The following GRID2 variants were observed in gnomAD, a reference collection of about 807,000 sequenced individuals.
GRID2 encodes glutamate ionotropic receptor delta type subunit 2.
Under a neutral mutation model 114.8 loss-of-function variants are expected in GRID2, and 33 were observed. The observed-to-expected ratio is 0.29, with a 90% CI of 0.22 to 0.38. The LOEUF (loss-of-function observed/expected upper bound fraction) is 0.38. Ranked by LOEUF, GRID2 falls within the 10% of genes least tolerant of loss-of-function variation. GRID2 has a pLI of 1.00. For synonymous variants in GRID2, 505 were observed against 449.9 expected (o/e 1.12, Z -1.55); for missense variants, 1,184 against 1,257.7 (o/e 0.94, Z 0.89).
At chr4:92,376,333 G>A (rs991800380) in intron 1 of GRID2, among the ~76,000 whole-genome samples, 15 of 151,976 alleles carry the variant, frequency 9.9e-5, no homozygotes, top group African/African-American at 2.9e-4. Context: ...ATTAAAACTC[G>A]AAAATGACCT....
chr4:92,915,039 C>T (rs755787830), intron 2 of GRID2, among the ~76,000 whole-genome samples: 11 of 152,112 alleles, frequency 7.2e-5, no homozygotes, highest in Non-Finnish European at 1.3e-4. Flanking sequence ...CCCCATGAAA[C>T]TTACAATCAT....
chr4:92,924,344 A>G (rs538992290), intron 2 of GRID2, among the ~76,000 whole-genome samples: 3 of 152,154 alleles, frequency 2.0e-5, no homozygotes, highest in Middle Eastern at 3.4e-3. Flanking sequence ...GCACATGTAT[A>G]CATATGTAAC....
At chr4:93,114,790 G>C (rs903757325) in intron 4 of GRID2, among the ~76,000 whole-genome samples, 1 of 152,148 alleles carries the variant, frequency 6.6e-6, no homozygotes, top group Non-Finnish European at 1.5e-5. Context: ...AAATTTGAAA[G>C]AGTACACTGA....
At chr4:93,003,700 A>T (rs1721231606) in intron 2 of GRID2, among the ~76,000 whole-genome samples, 1 of 151,990 alleles carries the variant, frequency 6.6e-6, no homozygotes, top group Non-Finnish European at 1.5e-5. Flanking sequence ...AGAGATAAAC[A>T]GCTGTGTCTT....
At chr4:92,920,593 T>G (rs891741698) in intron 2 of GRID2, among the ~76,000 whole-genome samples, 1 of 152,172 alleles carries the variant, frequency 6.6e-6, no homozygotes, top group Non-Finnish European at 1.5e-5. Flanking sequence ...ATTTTATTTC[T>G]TCTTCACTTA....
At chr4:93,786,289 C>T (rs980466788) in intron 1 of GRID2, among the ~76,000 whole-genome samples, 1 of 152,170 alleles carries the variant, frequency 6.6e-6, no homozygotes, top group African/African-American at 2.4e-5. Flanking sequence ...CACTGCTCTC[C>T]CAAGGAATAT....
intron 1 of GRID2, among the ~76,000 whole-genome samples, chr4:92,351,728 T>C (rs1728077856): frequency 6.6e-6 from 1 of 151,846 alleles, no homozygotes. Context: ...TCAAGTATTT[T>C]GGCCTCCACA....
chr4:92,913,881 T>C (rs552568940), intron 2 of GRID2, among the ~76,000 whole-genome samples: 1 of 152,182 alleles, frequency 6.6e-6, no homozygotes, highest in Middle Eastern at 3.4e-3. Context: ...ACTACTATTT[T>C]TTCAAACATT....
In GRID2 at chr4:92,369,345, A is replaced by G. The variant is rs563648706; in HGVS notation, c.88+64601A>G. 1.7e-4 allele frequency among the ~76,000 whole-genome samples: 26 copies of G among 152,288 alleles called. No individual in the cohort carries two copies. In the South Asian group the frequency reaches 5.2e-3, roughly 30 times the overall value. On this transcript the variant is annotated intron_variant, in intron 1 of 15. Coordinates refer to ENST00000282020, the MANE Select transcript of GRID2 (RefSeq NM_001510.4). ...TTAGTCTGAGTCTGTGGAAAAAGAC[A>G]TAGAAAGGTGACTTATCTGAGATCA...
At chr4:92,479,497 C>T (rs968145109) in intron 1 of GRID2, among the ~76,000 whole-genome samples, 7 of 152,020 alleles carry the variant, frequency 4.6e-5, no homozygotes, top group Admixed American at 3.3e-4. Flanking sequence ...TCAATACCTC[C>T]GTATTGTTCT....
chr4:93,296,258 T>A (rs892357), intron 8 of GRID2, among the ~76,000 whole-genome samples: 3 of 151,578 alleles, frequency 2.0e-5, no homozygotes, highest in East Asian at 3.9e-4. Context: ...CTCATCTACC[T>A]CCCTCTAATA....
intron 4 of GRID2, among the ~76,000 whole-genome samples, chr4:93,153,443 G>C (rs912387561): frequency 3.3e-5 from 5 of 152,056 alleles, no homozygotes; most frequent in Admixed American, 2.0e-4. Flanking sequence ...CTTGCAATCA[G>C]AGAAGTGGCA....
intron 8 of GRID2, among the ~76,000 whole-genome samples, chr4:93,292,411 T>A (rs1753847482): frequency 6.6e-6 from 1 of 152,170 alleles, no homozygotes; most frequent in African/African-American, 2.4e-5. Flanking sequence ...AGATACAGGC[T>A]ATGAACAGAA....
At chr4:92,984,573 C>T (rs972899109) in intron 2 of GRID2, among the ~76,000 whole-genome samples, 1 of 152,172 alleles carries the variant, frequency 6.6e-6, no homozygotes, top group East Asian at 1.9e-4. Context: ...TTTGTTTTCA[C>T]CATAAACCTC....
chr4:93,788,838 A>G (rs556571172), intron 1 of GRID2, among the ~76,000 whole-genome samples: 1 of 152,292 alleles, frequency 6.6e-6, no homozygotes, highest in East Asian at 1.9e-4. Flanking sequence ...ACAGCAGAAA[A>G]CCAACTTTTG....
In GRID2 at chr4:92,968,191, T is replaced by C. The variant is rs148929105; in HGVS notation, c.245-116804T>C. On this transcript the variant is annotated intron_variant, in intron 2 of 15. Coordinates refer to ENST00000282020, the MANE Select transcript of GRID2 (RefSeq NM_001510.4). The stretch of plus-strand genomic sequence containing the variant: ...GCTCAGCTAGTGTGATGAACTCTGG[T>C]GATAGTCATTATTCCCCTAATTTTC... Among the ~76,000 whole-genome samples, 516 of 152,042 alleles carry C rather than the reference T, an allele frequency of 3.4e-3. 2 individuals carry two copies. Among genetic ancestry groups the C allele is most frequent in the South Asian group, 0.018 (85 of 4,824 alleles).
At chr4:93,539,239 T>C (rs1486660166) in intron 13 of GRID2, among the ~76,000 whole-genome samples, 2 of 151,986 alleles carry the variant, frequency 1.3e-5, no homozygotes, top group African/African-American at 2.4e-5. Context: ...CCCATTATAA[T>C]TGTACTCATA....
Position 92,966,591 on chromosome 4 carries a change from C to T in GRID2, c.245-118404C>T, listed in dbSNP as rs557478016. On this transcript the variant is annotated intron_variant, in intron 2 of 15. Transcript: ENST00000282020. ...GGTGCAGTTTCCCCTATACTGTTCT[C>T]ATGGTGGTGAATAAGTCTCACAAGA... 1.4e-3 allele frequency among the ~76,000 whole-genome samples: 210 copies of T among 151,944 alleles called. 1 individual carries two copies. Among genetic ancestry groups the T allele is most frequent in the African/African-American group, 4.9e-3 (202 of 41,498 alleles).
chr4:92,569,498 G>T (rs1164727173), intron 1 of GRID2, among the ~76,000 whole-genome samples: 2 of 151,976 alleles, frequency 1.3e-5, no homozygotes, highest in Admixed American at 6.6e-5. Flanking sequence ...AGTAGTGAGA[G>T]TGTTGGGTTA....
Sources: allele counts gnomAD v4.1 joint callset (sites outside exome capture counted in the v4.1 genomes callset), GRCh38; gene constraint gnomAD v4.1.1; transcripts MANE v1.5; gene names NCBI Gene and HGNC (gene_info 2026-07-23, HGNC 2026-07-21).